ZFAND3: variants seen among roughly 807,000 people sequenced by gnomAD.
ZFAND3 encodes zinc finger AN1-type containing 3.
ZFAND3 carries 10 observed loss-of-function variants against 29.6 expected under a neutral mutation model. The ratio of observed to expected loss-of-function variants is 0.34; its 90% CI spans 0.21 to 0.57. ZFAND3 has a LOEUF of 0.57. Among genes scored for constraint, ZFAND3 ranks in the 20% least tolerant of loss-of-function variants. ZFAND3 has a pLI of 0.86. For synonymous variants in ZFAND3, 128 were observed against 112.6 expected (o/e 1.14, Z -0.87); for missense variants, 230 against 304.5 (o/e 0.76, Z 1.82).
chr6:37,889,784 A>G (rs1329048844), intron 1 of ZFAND3, among the ~76,000 whole-genome samples: 2 of 152,172 alleles, frequency 1.3e-5, no homozygotes, highest in East Asian at 1.9e-4. Flanking sequence ...ACAATAGAAC[A>G]TTATTATTGT....
intron 2 of ZFAND3, among the ~76,000 whole-genome samples, chr6:38,000,195 G>A (rs893404951): frequency 9.9e-5 from 15 of 152,116 alleles, no homozygotes; most frequent in Non-Finnish European, 2.9e-5. Context: ...GAGGTTTTGA[G>A]ATGATGTTGA....
At chr6:38,041,631 TTTC>T (rs1193585476) in intron 2 of ZFAND3, among the ~76,000 whole-genome samples, 1,881 of 55,978 alleles carry the variant, frequency 0.034, 59 homozygotes, top group Non-Finnish European at 0.058. Context: ...TTATCTACTT[TTTC>T]TTCTTCTTCT....
At chr6:37,869,603 G>C (rs1764654399) in intron 1 of ZFAND3, among the ~76,000 whole-genome samples, 1 of 150,418 alleles carries the variant, frequency 6.6e-6, no homozygotes, top group Non-Finnish European at 1.5e-5. Context: ...CCAACTCCTG[G>C]GCTCAGGCAA....
intron 2 of ZFAND3, among the ~76,000 whole-genome samples, chr6:37,938,859 C>T (rs1406169489): frequency 6.6e-6 from 1 of 152,154 alleles, no homozygotes; most frequent in African/African-American, 2.4e-5. Context: ...TGAGAGGTGG[C>T]TTCTTTCAGG....
intron 1 of ZFAND3, among the ~76,000 whole-genome samples, chr6:37,913,600 T>C (rs1440737794): frequency 6.6e-6 from 1 of 151,944 alleles, no homozygotes; most frequent in Non-Finnish European, 1.5e-5. Flanking sequence ...TTTGACCTCT[T>C]CCCATGAAGA....
chr6:37,919,783 C>T (rs1278627063), intron 1 of ZFAND3, among the ~76,000 whole-genome samples: 5 of 152,140 alleles, frequency 3.3e-5, no homozygotes, highest in African/African-American at 7.2e-5. Flanking sequence ...TGTTTAAAAC[C>T]GAATCCTCCC....
At chr6:38,038,321 TTGATTG>T (rs1763697296) in intron 2 of ZFAND3, among the ~76,000 whole-genome samples, 1 of 152,180 alleles carries the variant, frequency 6.6e-6, no homozygotes, top group Non-Finnish European at 1.5e-5. Context: ...GTGCAGCCTT[TTGATTG>T]CAATTAAAAA....
At chr6:38,101,772 CAAAAAAAAAAAAAA>C (rs57491627) in intron 4 of ZFAND3, among the ~76,000 whole-genome samples, 1 of 42,718 alleles carries the variant, frequency 2.3e-5, no homozygotes, top group Non-Finnish European at 4.5e-5. Flanking sequence ...GACTCCCTCT[CAAAAAAAAAAAAAA>C]AAAAAAAAAA....
chr6:38,130,073 GT>G (rs142209748), intron 5 of ZFAND3, among the ~76,000 whole-genome samples: 3 of 151,582 alleles, frequency 2.0e-5, no homozygotes, highest in African/African-American at 7.3e-5. Context: ...CATTTTGATG[GT>G]TTTTTTTGTT....
chr6:38,145,573 T>A (rs1156744584), intron 5 of ZFAND3, among the ~76,000 whole-genome samples: 1 of 152,242 alleles, frequency 6.6e-6, no homozygotes, highest in Non-Finnish European at 1.5e-5. Context: ...CCATTTCAGA[T>A]GTTAGCTTTA....
At chr6:38,049,244 A>G (rs1351680148) in intron 2 of ZFAND3, among the ~76,000 whole-genome samples, 8 of 152,226 alleles carry the variant, frequency 5.3e-5, no homozygotes, top group Admixed American at 5.2e-4. Context: ...TTTTCATTGC[A>G]TTAGTCTCAA....
At chr6:38,135,604 G>A (rs1469526180) in intron 5 of ZFAND3, among the ~76,000 whole-genome samples, 5 of 152,164 alleles carry the variant, frequency 3.3e-5, no homozygotes, top group African/African-American at 1.2e-4. Flanking sequence ...AATTAGCCAG[G>A]TGTGGTGGCG....
chr6:37,984,232 A>C (rs964859936), intron 2 of ZFAND3, among the ~76,000 whole-genome samples: 2 of 152,222 alleles, frequency 1.3e-5, no homozygotes, highest in Non-Finnish European at 2.9e-5. Flanking sequence ...AATTTCTTGC[A>C]GTGACTCAAA....
chr6:38,152,197 C>G, intron 5 of ZFAND3, 38 bp from the exon 6 acceptor site: 2 of 1,480,954 alleles, frequency 1.4e-6, no homozygotes, highest in Non-Finnish European at 1.8e-6. Flanking sequence ...GGAGGCCACC[C>G]TAACACACTC....
At chr6:37,840,131 C>G (rs2127373384) in intron 1 of ZFAND3, among the ~76,000 whole-genome samples, 1 of 151,282 alleles carries the variant, frequency 6.6e-6, no homozygotes, top group South Asian at 2.1e-4. Flanking sequence ...GAGTTTCGCT[C>G]TTGTTGCCCA....
At chr6:37,868,189 A>ATCTTT (rs1190511662) in intron 1 of ZFAND3, among the ~76,000 whole-genome samples, 1 of 152,216 alleles carries the variant, frequency 6.6e-6, no homozygotes, top group African/African-American at 2.4e-5. Flanking sequence ...TTTTGAAATG[A>ATCTTT]TGATATGGTT....
Position 37,819,916 on chromosome 6 carries a change from C to A in ZFAND3, c.-30C>A, listed in dbSNP as rs1289810633. 8.3e-7 allele frequency: 1 copy of A among 1,201,244 alleles called. No individual in the cohort carries two copies. 74.4% of individuals were successfully genotyped at this position (1,201,244 alleles called of 1,614,324 possible). On this transcript the variant is annotated 5_prime_UTR_variant, in exon 1 of 6. Transcript: ENST00000287218. ...CGGGCCCAGCCGCCGCCACCGCTGC[C>A]GCCGCCGAGCTCCGCCGCCGCCGAG...
chr6:38,107,393 G>C (rs1488756684), intron 4 of ZFAND3, among the ~76,000 whole-genome samples: 2 of 152,236 alleles, frequency 1.3e-5, no homozygotes, highest in Non-Finnish European at 2.9e-5. Context: ...AGGTGCAGTA[G>C]AAACTGGGTT....
At chr6:37,847,878 G>A (rs189014395) in intron 1 of ZFAND3, among the ~76,000 whole-genome samples, 65 of 152,316 alleles carry the variant, frequency 4.3e-4, no homozygotes, top group Non-Finnish European at 5.1e-4. Context: ...ATTGGAACAC[G>A]GTCATGCTCA....
Sources: gnomAD v4.1 joint callset for allele counts (sites outside exome capture counted in the v4.1 genomes callset) on GRCh38, gnomAD v4.1.1 for gene constraint, MANE v1.5 for transcripts, NCBI Gene and HGNC (gene_info 2026-07-23, HGNC 2026-07-21) for gene names.